The following RWDD3 variants were observed in gnomAD, a reference collection of about 807,000 sequenced individuals.
The protein encoded by RWDD3 is RWD domain containing 3.
Under a neutral mutation model 26.5 loss-of-function variants are expected in RWDD3, and 30 were observed. That is an observed-to-expected ratio of 1.13 (90% CI 0.85 to 1.54). The LOEUF (loss-of-function observed/expected upper bound fraction) is 1.54. Ranked by LOEUF, RWDD3 falls within the 40% of genes most tolerant of loss-of-function variation. RWDD3 has a pLI of 0.00. For synonymous variants in RWDD3, 113 were observed against 114.5 expected (o/e 0.99, Z 0.09); for missense variants, 296 against 309.1 (o/e 0.96, Z 0.32).
chr1:95,244,230 C>T lies in RWDD3; in HGVS notation c.105C>T (p.Phe35=), dbSNP rs748091342. ...LSRSETDGTV[F]RIHTKAEGFM... is the part of the protein sequence containing the mutation. Reference sequence around the variant, plus strand: ...TTCCAGAGACAGATGGGACCGTGTTCAGAATTCACACAAAAGCTGAAGGAT... The same window carrying T: ...TTCCAGAGACAGATGGGACCGTGTTTAGAATTCACACAAAAGCTGAAGGAT... The change falls in exon 2 of 4, where the codon TTC becomes TTT. Residue 35 remains phenylalanine, a synonymous_variant. Transcript: ENST00000370202. 5.6e-6 allele frequency: 9 copies of T among 1,613,886 alleles called. No individual in the cohort carries two copies. Among genetic ancestry groups the T allele is most frequent in the South Asian group, 1.1e-5 (1 of 91,076 alleles).
Sources: allele counts gnomAD v4.1 joint callset, GRCh38; gene constraint gnomAD v4.1.1; transcripts MANE v1.5; gene names NCBI Gene and HGNC (gene_info 2026-07-23, HGNC 2026-07-21).